Variants in GLIS3 observed in about 807,000 individuals in gnomAD.
GLIS3 encodes the protein GLIS family zinc finger 3.
GLIS3 carries 53 observed loss-of-function variants against 78.6 expected under a neutral mutation model. That is an observed-to-expected ratio of 0.67 (90% confidence interval 0.54 to 0.85). The LOEUF (loss-of-function observed/expected upper bound fraction) is 0.85, where lower values mean the gene tolerates loss of function less well. GLIS3 is among the 40% of genes least tolerant of loss of function. GLIS3 has a pLI of 0.00. For missense variants in GLIS3, 1,703 were observed against 1,231.1 expected (o/e 1.38, Z -5.74); for synonymous variants, 684 against 509.9 (o/e 1.34, Z -4.60).
At chr9:3,968,532 T>C (rs1563903112) in intron 4 of GLIS3, among the ~76,000 whole-genome samples, 1 of 152,050 alleles carries the variant, frequency 6.6e-6, no homozygotes, top group African/African-American at 2.4e-5. Flanking sequence ...TAAGGAAAAA[T>C]GTTTGATTAA....
At chr9:4,196,785 C>T (rs920946845) in intron 2 of GLIS3, among the ~76,000 whole-genome samples, 6 of 152,174 alleles carry the variant, frequency 3.9e-5, no homozygotes, top group Non-Finnish European at 7.3e-5. Flanking sequence ...ACCAAGAACC[C>T]CCCAATTTCG....
chr9:4,313,786 G>T (rs1242538248), intron 2 of GLIS3, among the ~76,000 whole-genome samples: 2 of 152,192 alleles, frequency 1.3e-5, no homozygotes, highest in Non-Finnish European at 1.5e-5. Context: ...AGTCTCAAGT[G>T]CACGTGGACT....
the GLIS3 span, among the ~76,000 whole-genome samples, chr9:4,444,077 A>C: frequency 6.6e-6 from 1 of 152,230 alleles, no homozygotes; most frequent in Non-Finnish European, 1.5e-5. Context: ...GGTCAAGAGA[A>C]GAGTAACCTC....
chr9:4,397,781 G>A, the GLIS3 span, among the ~76,000 whole-genome samples: 1 of 151,000 alleles, frequency 6.6e-6, no homozygotes. Context: ...GAGAGGAGGG[G>A]AGGGGAGGGG....
At chr9:4,268,291 G>C (rs757231125) in intron 2 of GLIS3, among the ~76,000 whole-genome samples, 1 of 152,050 alleles carries the variant, frequency 6.6e-6, no homozygotes, top group African/African-American at 2.4e-5. Context: ...GCTTAAATGA[G>C]ATAATCTCTC....
chr9:4,230,795 T>TA (rs971689217), intron 2 of GLIS3, among the ~76,000 whole-genome samples: 18 of 152,238 alleles, frequency 1.2e-4, no homozygotes, highest in Admixed American at 1.0e-3. Flanking sequence ...ACCTGCAAAC[T>TA]AAAATTCCAA....
chr9:4,383,256 G>T, the GLIS3 span, among the ~76,000 whole-genome samples: 3 of 152,214 alleles, frequency 2.0e-5, no homozygotes, highest in South Asian at 6.2e-4. Context: ...TAACGAATTT[G>T]CAAGCACAAC....
the GLIS3 span, among the ~76,000 whole-genome samples, chr9:4,444,099 G>T: frequency 6.6e-6 from 1 of 152,172 alleles, no homozygotes; most frequent in South Asian, 2.1e-4. Flanking sequence ...TGATCTGGTG[G>T]TCAGTCATAG....
At chr9:4,458,280 T>G in the GLIS3 span, among the ~76,000 whole-genome samples, 2 of 152,196 alleles carry the variant, frequency 1.3e-5, no homozygotes, top group African/African-American at 2.4e-5. Flanking sequence ...CTGCATGGCA[T>G]GCATTGTTCT....
the GLIS3 span, among the ~76,000 whole-genome samples, chr9:4,395,133 T>C: frequency 6.6e-6 from 1 of 152,174 alleles, no homozygotes; most frequent in Non-Finnish European, 1.5e-5. Flanking sequence ...ATGTTAAGGG[T>C]TTTATGCAGA....
chr9:4,450,498 T>C, the GLIS3 span, among the ~76,000 whole-genome samples: 3 of 151,884 alleles, frequency 2.0e-5, no homozygotes, highest in Non-Finnish European at 4.4e-5. Flanking sequence ...ATACAGACAA[T>C]GCCACAAAGA....
chr9:4,075,685 T>C (rs943130618), intron 4 of GLIS3, among the ~76,000 whole-genome samples: 2 of 152,090 alleles, frequency 1.3e-5, no homozygotes, highest in African/African-American at 2.4e-5. Context: ...TTATTCAAAA[T>C]AGCTCAAAAC....
chr9:3,896,431 G>A (rs575030694), intron 7 of GLIS3, among the ~76,000 whole-genome samples: 4 of 152,038 alleles, frequency 2.6e-5, no homozygotes, highest in East Asian at 1.9e-4. Context: ...TTTGGAGGCC[G>A]AGGTGGGTGG....
In GLIS3 at chr9:3,926,271, C is replaced by T. The variant is rs576788621; in HGVS notation, c.1983+6089G>A. ...TCTTTGACGGAGTCTTGCTCTGTCA[C>T]CCACACTAGAGTGCAGTGGTGCAAT... On this transcript the variant is annotated intron_variant, in intron 6 of 10. Transcript: ENST00000381971. Among the ~76,000 whole-genome samples the T allele has an allele frequency of 1.1e-3, 164 of 145,662 alleles. 2 individuals carry two copies. Among genetic ancestry groups the T allele is most frequent in the African/African-American group, 2.3e-3 (92 of 39,390 alleles).
At chr9:4,399,456 G>C in the GLIS3 span, among the ~76,000 whole-genome samples, 1 of 152,174 alleles carries the variant, frequency 6.6e-6, no homozygotes, top group Non-Finnish European at 1.5e-5. Context: ...GGAAACTAAG[G>C]CTTATGAATA....
At chr9:4,247,004 T>C (rs1823864983) in intron 2 of GLIS3, among the ~76,000 whole-genome samples, 1 of 152,246 alleles carries the variant, frequency 6.6e-6, no homozygotes, top group Non-Finnish European at 1.5e-5. Context: ...GGTTGAATTG[T>C]CTGTTCCACA....
intron 2 of GLIS3, among the ~76,000 whole-genome samples, chr9:4,169,643 A>C (rs74771140): frequency 2.0e-5 from 3 of 152,198 alleles, no homozygotes; most frequent in African/African-American, 7.2e-5. Flanking sequence ...AATAACTTGC[A>C]TAAGAAAATG....
intron 1 of GLIS3, among the ~76,000 whole-genome samples, chr9:4,290,835 T>C (rs763204722): frequency 6.6e-6 from 1 of 152,122 alleles, no homozygotes; most frequent in Non-Finnish European, 1.5e-5. Flanking sequence ...AGTGCAAACA[T>C]GTGCCTGTGA....
At chr9:3,871,045 T>A (rs1460623856) in intron 8 of GLIS3, among the ~76,000 whole-genome samples, 1 of 152,186 alleles carries the variant, frequency 6.6e-6, no homozygotes, top group African/African-American at 2.4e-5. Flanking sequence ...ATGGGAGGAA[T>A]TGGCCAAAAC....
Sources: gnomAD v4.1 joint callset for allele counts (sites outside exome capture counted in the v4.1 genomes callset) on GRCh38, gnomAD v4.1.1 for gene constraint, MANE v1.5 for transcripts, NCBI Gene and HGNC (gene_info 2026-07-23, HGNC 2026-07-21) for gene names.